The following RAB11FIP3 variants were observed in gnomAD, a reference collection of about 807,000 sequenced individuals.
RAB11FIP3 encodes RAB11 family interacting protein 3, also known as rab11 family-interacting protein 3.
A neutral mutation model predicts 77.8 loss-of-function variants in RAB11FIP3; 17 were observed. The observed-to-expected ratio is 0.22, with a 90% CI of 0.15 to 0.33. The LOEUF is 0.33. RAB11FIP3 is among the 10% of genes least tolerant of loss of function. RAB11FIP3 has a pLI of 1.00. For synonymous variants in RAB11FIP3, 437 were observed against 448.2 expected (o/e 0.98, Z 0.31); for missense variants, 1,005 against 1,011.2 (o/e 0.99, Z 0.08).
rs62033256 is a variant in RAB11FIP3, at chr16:492,703, C to G, written c.1265+3703C>G. On this transcript the variant is annotated intron_variant, in intron 5 of 13. Coordinates refer to ENST00000262305, the MANE Select transcript of RAB11FIP3 (RefSeq NM_014700.4). ...CGCAGAGACTTGCCCTCCCACTCACCGATAAGTTGAGTGCAAGCATGTCAT... is the reference window on the plus strand; with the variant it reads ...CGCAGAGACTTGCCCTCCCACTCACGGATAAGTTGAGTGCAAGCATGTCAT... Among the ~76,000 whole-genome samples, 456 of 152,224 alleles carry G rather than the reference C, an allele frequency of 3.0e-3. 2 individuals carry two copies. Among genetic ancestry groups the G allele is most frequent in the Admixed American group, 5.6e-3 (85 of 15,288 alleles).
At chr16:474,728 T>G in intron 3 of RAB11FIP3, 1 of 1,067,830 alleles carries the variant, frequency 9.4e-7, no homozygotes, top group South Asian at 2.4e-5. Flanking sequence ...ATTATCAGCT[T>G]AGGAAGCCAA....
intron 3 of RAB11FIP3, among the ~76,000 whole-genome samples, chr16:480,625 G>A (rs1235685681): frequency 6.6e-6 from 1 of 151,874 alleles, no homozygotes; most frequent in Non-Finnish European, 1.5e-5. Flanking sequence ...TCAGTCTCCC[G>A]AGTAGCTGGG....
At chr16:485,302 C>G (rs1400732536) in intron 4 of RAB11FIP3, among the ~76,000 whole-genome samples, 1 of 152,166 alleles carries the variant, frequency 6.6e-6, no homozygotes, top group East Asian at 1.9e-4. Flanking sequence ...CTGTCTTTTT[C>G]TCACTGATTA....
In RAB11FIP3 at chr16:472,611, G is replaced by A. The variant is rs1031818687; in HGVS notation, c.903+1222G>A. On this transcript the variant is annotated intron_variant, in intron 3 of 13. Transcript: ENST00000262305. The surrounding 1 kb of genome is among the most constrained non-coding windows in gnomAD (Gnocchi z 4.1). The stretch of plus-strand genomic sequence containing the variant: ...TAACCCAGAGCCCTTGGTCTGCAAC[G>A]TCCGGGGAACTGTGTGTTCCTGGGC... Among the ~76,000 whole-genome samples, 1 of 152,200 alleles carries A rather than the reference G, an allele frequency of 6.6e-6. No homozygotes were observed. Among genetic ancestry groups the A allele is most frequent in the Admixed American group, 6.5e-5 (1 of 15,278 alleles).
rs184481151 is a variant in RAB11FIP3 at position 472,306 on chromosome 16, G to A, written c.903+917G>A. The stretch of plus-strand genomic sequence containing the variant: ...AACTTCTGCCCACACAGACCCTGGG[G>A]GTGGTTCTGCCTTACGGCGGTGTCC... On this transcript the variant is annotated intron_variant, in intron 3 of 13. Coordinates refer to ENST00000262305, the MANE Select transcript of RAB11FIP3 (RefSeq NM_014700.4). This position sits in a 1 kb window ranked among gnomAD's most constrained non-coding sequence, Gnocchi z 4.1. Among the ~76,000 whole-genome samples the A allele has an allele frequency of 1.1e-3, 171 of 152,358 alleles. No homozygotes were observed. The highest frequency in any genetic ancestry group is 2.2e-3 in the Admixed American group (34 of 15,308).
At chr16:511,910 C>G (rs2032194044) in intron 9 of RAB11FIP3, among the ~76,000 whole-genome samples, 2 of 131,238 alleles carry the variant, frequency 1.5e-5, no homozygotes, top group African/African-American at 6.0e-5. Context: ...AACCTGCAGG[C>G]CAGGTAGGAG....
intron 10 of RAB11FIP3, 92 bp downstream of exon 10, chr16:519,116 G>A: frequency 1.5e-6 from 2 of 1,351,556 alleles, no homozygotes; most frequent in Non-Finnish European, 2.1e-6. Context: ...TCTGTGCTGA[G>A]CGGGATACTG....
In RAB11FIP3 at chr16:505,677, C is replaced by T. The variant is rs987876210; in HGVS notation, c.1499+50C>T. On this transcript the variant is annotated intron_variant, in intron 8 of 13. Coordinates refer to ENST00000262305, the MANE Select transcript of RAB11FIP3 (RefSeq NM_014700.4). The surrounding 1 kb of genome is among the most constrained non-coding windows in gnomAD (Gnocchi z 4.0). ...GCCTCTGCGTGGCGCCTCCTGTGCCCGCCTGTCAGCCCCCATTTACTTCTC... is the reference window on the plus strand; with the variant it reads ...GCCTCTGCGTGGCGCCTCCTGTGCCTGCCTGTCAGCCCCCATTTACTTCTC... 10 of 1,429,426 alleles carry T rather than the reference C, an allele frequency of 7.0e-6. No individual in the cohort carries two copies. Among genetic ancestry groups the T allele is most frequent in the African/African-American group, 5.6e-5 (4 of 70,932 alleles). The allele number at this position is 1,429,426 out of a possible 1,614,324, so 88.5% of individuals were successfully genotyped here.
chr16:485,136 A>G (rs9923570), intron 4 of RAB11FIP3, among the ~76,000 whole-genome samples: 85,642 of 151,686 alleles, frequency 0.56, 24,392 homozygotes, highest in Middle Eastern at 0.66. Context: ...CAGGCCACGC[A>G]GCCCCCGTGG....
Position 505,738 on chromosome 16 carries a change from A to G in RAB11FIP3, c.1499+111A>G. On this transcript the variant is annotated intron_variant, in intron 8 of 13. Coordinates refer to ENST00000262305, the MANE Select transcript of RAB11FIP3 (RefSeq NM_014700.4). This position sits in a 1 kb window ranked among gnomAD's most constrained non-coding sequence, Gnocchi z 4.0. ...ACAGCAGGGGCTTGGCCACCCGTCC[A>G]TCCCCGTTGGAAGCCGGCTGAGGGG... The G allele has an allele frequency of 5.2e-6, 5 of 956,578 alleles. No homozygotes were observed. Among genetic ancestry groups the G allele is most frequent in the Admixed American group, 5.3e-5 (2 of 37,902 alleles). The allele number at this position is 956,578 out of a possible 1,614,324, so 59.3% of individuals were successfully genotyped here.
intron 1 of RAB11FIP3, among the ~76,000 whole-genome samples, chr16:444,280 C>A (rs1261633955): frequency 6.6e-6 from 1 of 152,192 alleles, no homozygotes; most frequent in Non-Finnish European, 1.5e-5. Context: ...CTACTTTTCA[C>A]TACCTTTGTT....
At chr16:433,095 G>T (rs1365633564) in intron 1 of RAB11FIP3, among the ~76,000 whole-genome samples, 1 of 86,236 alleles carries the variant, frequency 1.2e-5, no homozygotes, top group Non-Finnish European at 2.2e-5. Context: ...GTGCAGTGGC[G>T]CGATCTCAGC....
chr16:512,671 G>T (rs2032240529), intron 9 of RAB11FIP3, among the ~76,000 whole-genome samples: 1 of 151,222 alleles, frequency 6.6e-6, no homozygotes, highest in Non-Finnish European at 1.5e-5. Context: ...AGCCTCCCTG[G>T]TAGCTGGGGC....
chr16:486,676 C>G (rs1243563230), intron 4 of RAB11FIP3, among the ~76,000 whole-genome samples: 1 of 152,172 alleles, frequency 6.6e-6, no homozygotes, highest in Non-Finnish European at 1.5e-5. Flanking sequence ...CCTCTTGGTC[C>G]TCAGTGTGAC....
At chr16:502,704 T>C in intron 6 of RAB11FIP3, 1 of 483,116 alleles carries the variant, frequency 2.1e-6, no homozygotes, top group Non-Finnish European at 3.6e-6. Flanking sequence ...AAGTCCTCTC[T>C]GCCACTCGCT....
chr16:438,629 C>T lies in RAB11FIP3; in HGVS notation c.714+11909C>T, dbSNP rs1596191259. Among the ~76,000 whole-genome samples the T allele has an allele frequency of 2.6e-5, 4 of 151,316 alleles. No individual in the cohort carries two copies. In the East Asian group the frequency reaches 7.8e-4, roughly 29 times the overall value. On this transcript the variant is annotated intron_variant, in intron 1 of 13. Coordinates refer to ENST00000262305, the MANE Select transcript of RAB11FIP3 (RefSeq NM_014700.4). ...TGGAACTCCTGACCTTGGGATCTGT[C>T]TGCCTTGGGCTCCCAAACTGCTGGG... is the stretch of plus-strand genomic sequence containing the variant.
At chr16:440,177 A>G (rs1241576998) in intron 1 of RAB11FIP3, among the ~76,000 whole-genome samples, 3 of 147,748 alleles carry the variant, frequency 2.0e-5, no homozygotes, top group Non-Finnish European at 4.5e-5. Flanking sequence ...CTTTACTTTT[A>G]TTTTCTTTTG....
rs1294114969 is a variant in RAB11FIP3, at chr16:426,077, C to G, written c.71C>G (p.Pro24Arg). The G allele has an allele frequency of 1.0e-5, 10 of 1,001,628 alleles. No individual in the cohort carries two copies. The highest frequency in any genetic ancestry group is 9.0e-5 in the South Asian group (2 of 22,262). 62.0% of individuals were successfully genotyped at this position (1,001,628 alleles called of 1,614,324 possible). The change falls in exon 1 of 14, where the codon CCG becomes CGG. Residue 24 changes from proline (P) to arginine (R), a missense_variant. By Grantham distance (103) the Pro-to-Arg change is moderately radical. This residue lies in a region of RAB11FIP3 where 466 missense variants were observed against 408.3 expected (regional missense o/e 1.14). Transcript: ENST00000262305. The surrounding 1 kb of genome is among the most constrained non-coding windows in gnomAD (Gnocchi z 5.0). ...PPGPDPEPGGPDGPGAAQLAP... is the reference protein window; with the variant it reads ...PPGPDPEPGGRDGPGAAQLAP... ...GGGCCCGACCCGGAGCCGGGCGGGC[C>G]GGACGGGCCGGGGGCGGCACAACTG...
chr16:492,444 G>GTCCAGAGCCTT (rs1567392269), intron 5 of RAB11FIP3, among the ~76,000 whole-genome samples: 1 of 138,652 alleles, frequency 7.2e-6, no homozygotes, highest in African/African-American at 2.7e-5. Flanking sequence ...ACCCGAGGCC[G>GTCCAGAGCCTT]CCCAGGGCCC....
Sources: gnomAD v4.1 joint callset for allele counts (sites outside exome capture counted in the v4.1 genomes callset) on GRCh38, gnomAD v4.1.1 for gene constraint, gnomAD v4.1.1 regional missense constraint, Gnocchi (gnomAD v3.1) non-coding constraint, MANE v1.5 for transcripts, NCBI Gene and HGNC (gene_info 2026-07-23, HGNC 2026-07-21) for gene names.